The following PLD5 variants were observed in gnomAD, a reference collection of about 807,000 sequenced individuals.
PLD5 encodes the protein phospholipase D family member 5.
In PLD5, 36 loss-of-function variants were observed where a neutral mutation model predicts 61.1. The observed-to-expected ratio is 0.59, with a 90% confidence interval of 0.45 to 0.78. The LOEUF (loss-of-function observed/expected upper bound fraction) is 0.78. PLD5 is among the 30% of genes least tolerant of loss of function. PLD5 has a pLI of 0.00. For missense variants in PLD5, 515 were observed against 644.4 expected (o/e 0.80, Z 2.17); for synonymous variants, 243 against 242.8 (o/e 1.00, Z -0.01).
chr1:242,209,354 T>A (rs1366147258), intron 5 of PLD5: 1 of 152,194 alleles, frequency 6.6e-6, no homozygotes, highest in African/African-American at 2.4e-5. Flanking sequence ...CATACAGGCA[T>A]ACCTTGTGTT....
intron 1 of PLD5, among the ~76,000 whole-genome samples, chr1:242,375,104 T>C (rs777726931): frequency 2.0e-5 from 3 of 152,182 alleles, no homozygotes; most frequent in Non-Finnish European, 4.4e-5. Flanking sequence ...CTTTGGTCAA[T>C]ATCCCCGAGC....
chr1:242,173,788 G>T (rs540525823), intron 5 of PLD5, among the ~76,000 whole-genome samples: 2,911 of 152,174 alleles, frequency 0.019, 97 homozygotes, highest in African/African-American at 0.067. Context: ...ACAAAAACAA[G>T]AAATGGGGAA....
At chr1:242,107,151 T>C (rs1355538331) in intron 8 of PLD5, among the ~76,000 whole-genome samples, 1 of 151,780 alleles carries the variant, frequency 6.6e-6, no homozygotes, top group Non-Finnish European at 1.5e-5. Flanking sequence ...GTCTTAGAAA[T>C]AGGAGCAGTA....
chr1:242,286,702 C>A (rs1290195639), intron 3 of PLD5, among the ~76,000 whole-genome samples: 2 of 152,112 alleles, frequency 1.3e-5, no homozygotes, highest in Non-Finnish European at 2.9e-5. Flanking sequence ...CTTTGGACTT[C>A]GCTCTCTTGT....
chr1:242,303,765 T>C (rs181211564), intron 2 of PLD5, among the ~76,000 whole-genome samples: 11 of 152,340 alleles, frequency 7.2e-5, no homozygotes, highest in Admixed American at 5.9e-4. Context: ...CTCAAGTCCT[T>C]GACACCAGAT....
intron 1 of PLD5, among the ~76,000 whole-genome samples, chr1:242,450,235 T>G (rs948229067): frequency 7.9e-5 from 12 of 152,172 alleles, no homozygotes; most frequent in Admixed American, 7.2e-4. Flanking sequence ...ACAGGACTCT[T>G]TAGAATAATA....
intron 6 of PLD5, 67 bp downstream of exon 6, chr1:242,124,401 A>T: frequency 6.7e-7 from 1 of 1,491,002 alleles, no homozygotes; most frequent in Non-Finnish European, 9.2e-7. Flanking sequence ...ACACTTAAAC[A>T]TTCCAACTTA....
chr1:242,196,528 TAC>T (rs959915748), intron 5 of PLD5, among the ~76,000 whole-genome samples: 2 of 151,974 alleles, frequency 1.3e-5, no homozygotes, highest in Non-Finnish European at 2.9e-5. Flanking sequence ...CATGGTGTCT[TAC>T]ACACACACAC....
At chr1:242,420,732 T>C (rs1665090866) in intron 1 of PLD5, among the ~76,000 whole-genome samples, 1 of 152,174 alleles carries the variant, frequency 6.6e-6, no homozygotes, top group Non-Finnish European at 1.5e-5. Context: ...AAAACTTTCC[T>C]ACTGGCATGA....
chr1:242,498,229 C>G (rs2134683), intron 1 of PLD5, among the ~76,000 whole-genome samples: 19 of 152,314 alleles, frequency 1.2e-4, no homozygotes, highest in Non-Finnish European at 2.5e-4. Flanking sequence ...TCCCGAAGTG[C>G]TGGGATTACA....
intron 1 of PLD5, among the ~76,000 whole-genome samples, chr1:242,370,822 T>G (rs1314649226): frequency 6.6e-6 from 1 of 152,170 alleles, no homozygotes; most frequent in Non-Finnish European, 1.5e-5. Flanking sequence ...CAACTGGTCT[T>G]TGATAAGGTG....
intron 1 of PLD5, among the ~76,000 whole-genome samples, chr1:242,378,556 A>G (rs1398502330): frequency 6.6e-6 from 1 of 152,166 alleles, no homozygotes; most frequent in Non-Finnish European, 1.5e-5. Context: ...AATTAAAAAA[A>G]CCATCCAGGC....
chr1:242,394,232 AT>A (rs1663214075), intron 1 of PLD5, among the ~76,000 whole-genome samples: 1 of 85,588 alleles, frequency 1.2e-5, no homozygotes, highest in Non-Finnish European at 2.2e-5. Flanking sequence ...ATGTGTATAT[AT>A]ATGAGTATAT....
intron 2 of PLD5, among the ~76,000 whole-genome samples, chr1:242,328,847 T>G (rs571542065): frequency 6.6e-6 from 1 of 152,324 alleles, no homozygotes; most frequent in South Asian, 2.1e-4. Flanking sequence ...AGACAGAATT[T>G]CTGCGTTAGA....
intron 2 of PLD5, among the ~76,000 whole-genome samples, chr1:242,298,729 A>G (rs1288203982): frequency 6.6e-6 from 1 of 152,166 alleles, no homozygotes; most frequent in Admixed American, 6.5e-5. Flanking sequence ...TATTCTAGCA[A>G]GGAGCCCCCT....
At chr1:242,459,640 A>G (rs1667054164) in intron 1 of PLD5, among the ~76,000 whole-genome samples, 1 of 152,200 alleles carries the variant, frequency 6.6e-6, no homozygotes, top group Non-Finnish European at 1.5e-5. Flanking sequence ...TGTAAATACA[A>G]AATTGCACGC....
chr1:242,116,296 TA>T (rs1661940674), intron 6 of PLD5, among the ~76,000 whole-genome samples: 1 of 152,084 alleles, frequency 6.6e-6, no homozygotes, highest in Non-Finnish European at 1.5e-5. Flanking sequence ...AGAAGGGGCA[TA>T]GGGGCATAGG....
intron 4 of PLD5, among the ~76,000 whole-genome samples, chr1:242,263,341 T>G (rs1673479878): frequency 1.3e-5 from 2 of 152,026 alleles, no homozygotes; most frequent in East Asian, 3.9e-4. Context: ...AGAATTTTGC[T>G]AAAAGACTAG....
intron 3 of PLD5, among the ~76,000 whole-genome samples, chr1:242,265,665 G>A (rs1308088970): frequency 6.6e-6 from 1 of 152,218 alleles, no homozygotes; most frequent in East Asian, 1.9e-4. Flanking sequence ...GGGGGGTATT[G>A]TGCAATTGAA....
Sources: allele counts gnomAD v4.1 joint callset (sites outside exome capture counted in the v4.1 genomes callset), GRCh38; gene constraint gnomAD v4.1.1; transcripts MANE v1.5; gene names NCBI Gene and HGNC (gene_info 2026-07-23, HGNC 2026-07-21).